IL1RAPL2: variants seen among roughly 807,000 people sequenced by gnomAD.
IL1RAPL2 encodes X-linked interleukin-1 receptor accessory protein-like 2.
IL1RAPL2 carries 3 observed loss-of-function variants against 44.1 expected under a neutral mutation model. That is an observed-to-expected ratio of 0.07 (90% CI 0.03 to 0.18). IL1RAPL2 has a LOEUF of 0.18. Ranked by LOEUF, IL1RAPL2 falls within the 10% of genes least tolerant of loss-of-function variation. IL1RAPL2 has a pLI of 1.00. For synonymous variants in IL1RAPL2, 181 were observed against 178.8 expected (o/e 1.01, Z -0.10); for missense variants, 391 against 496.4 (o/e 0.79, Z 2.02).
intron 3 of IL1RAPL2, among the ~76,000 whole-genome samples, chrX:105,202,359 T>A (rs188371170): frequency 6.2e-5 from 7 of 112,633 alleles, no homozygotes; most frequent in African/African-American, 2.3e-4. Flanking sequence ...TTACACAATC[T>A]TAAGTGACTT....
chrX:105,709,650 G>A (rs921145716), intron 6 of IL1RAPL2, among the ~76,000 whole-genome samples: 1 of 111,334 alleles, frequency 9.0e-6, no homozygotes, highest in African/African-American at 3.3e-5. Context: ...GGGCTATAAC[G>A]TTGACGTCCT....
intron 5 of IL1RAPL2, among the ~76,000 whole-genome samples, chrX:105,277,001 A>G (rs754689629): frequency 8.9e-6 from 1 of 111,733 alleles, no homozygotes; most frequent in South Asian, 3.8e-4. Flanking sequence ...TGACAAATGG[A>G]TCACCTTAGA....
At chrX:105,457,630 A>G (rs1368121622) in intron 5 of IL1RAPL2, among the ~76,000 whole-genome samples, 3 of 108,829 alleles carry the variant, frequency 2.8e-5, no homozygotes, top group Admixed American at 2.0e-4. Context: ...ATATGCATGT[A>G]TATATATGTA....
chrX:105,140,252 A>G (rs951405989), intron 2 of IL1RAPL2, among the ~76,000 whole-genome samples: 5 of 112,207 alleles, frequency 4.5e-5, no homozygotes, highest in African/African-American at 1.6e-4. Context: ...ATTTGCTTAC[A>G]CCTAAGGTGG....
intron 5 of IL1RAPL2, among the ~76,000 whole-genome samples, chrX:105,416,124 G>T (rs1446362059): frequency 8.9e-6 from 1 of 112,032 alleles, no homozygotes; most frequent in Non-Finnish European, 1.9e-5. Flanking sequence ...GGATATGGAT[G>T]TAGGTATAGA....
chrX:105,095,431 T>C (rs2032593183), intron 2 of IL1RAPL2, among the ~76,000 whole-genome samples: 1 of 111,980 alleles, frequency 8.9e-6, no homozygotes, highest in Non-Finnish European at 1.9e-5. Flanking sequence ...GTGATCATAT[T>C]TTTTTCCTTT....
rs191996957 is a variant in IL1RAPL2 at position 105,291,847 on chromosome X, T to C, written c.697+24306T>C. Among the ~76,000 whole-genome samples, 4 of 111,641 alleles carry C rather than the reference T, an allele frequency of 3.6e-5. No homozygotes were observed. In the Admixed American group the frequency reaches 3.8e-4, roughly 11 times the overall value. The stretch of plus-strand genomic sequence containing the variant: ...AGTTGACCCTCAAAAAACACAATTT[T>C]GAACTGCACAGGTCCAGGTACATAT... On this transcript the variant is annotated intron_variant, in intron 5 of 10. Coordinates refer to ENST00000372582, the MANE Select transcript of IL1RAPL2 (RefSeq NM_017416.2).
intron 2 of IL1RAPL2, among the ~76,000 whole-genome samples, chrX:105,063,285 A>G (rs2032097505): frequency 1.8e-5 from 2 of 112,386 alleles, no homozygotes; most frequent in South Asian, 7.3e-4. Flanking sequence ...TGTTAAGTTC[A>G]TTTGATAAAA....
chrX:105,309,326 C>T (rs1351422312), intron 5 of IL1RAPL2, among the ~76,000 whole-genome samples: 1 of 109,669 alleles, frequency 9.1e-6, no homozygotes, highest in Non-Finnish European at 1.9e-5. Context: ...CATGAGCCAT[C>T]GTGCCTGGCC....
At chrX:104,611,636 G>A (rs984372067) in intron 1 of IL1RAPL2, among the ~76,000 whole-genome samples, 1 of 109,598 alleles carries the variant, frequency 9.1e-6, no homozygotes, top group East Asian at 2.9e-4. Context: ...AGGAGATCCA[G>A]ACCATCCTGG....
chrX:104,659,414 C>T (rs934088671), intron 2 of IL1RAPL2, among the ~76,000 whole-genome samples: 4 of 111,417 alleles, frequency 3.6e-5, no homozygotes, highest in African/African-American at 1.3e-4. Flanking sequence ...TATAGTTGTA[C>T]CCAGTTGCTA....
At position 105,489,787 on chromosome X, in the gene IL1RAPL2, T is replaced by TCTCTC. The variant is rs2036299898; in HGVS notation, c.772+5400_772+5401insCTCTC. ...TTCTTTCTTTCTTTTCTTTCTCTCTTTCTCTCTCTCTCTCTCTCTCTCTCT... is the reference window on the plus strand; with the variant it reads ...TTCTTTCTTTCTTTTCTTTCTCTCTTCTCTCTCTCTCTCTCTCTCTCTCTCTCTCT... On this transcript the variant is annotated intron_variant, in intron 6 of 10. Coordinates refer to ENST00000372582, the MANE Select transcript of IL1RAPL2 (RefSeq NM_017416.2). Among the ~76,000 whole-genome samples the TCTCTC allele has an allele frequency of 2.0e-4, 15 of 73,384 alleles. No individual in the cohort carries two copies. In the South Asian group the frequency reaches 3.8e-3, roughly 19 times the overall value. The allele number at this position is 73,384 out of a possible 115,157, so 63.7% of individuals were successfully genotyped here.
At chrX:105,110,697 T>C in intron 2 of IL1RAPL2, among the ~76,000 whole-genome samples, 1 of 111,783 alleles carries the variant, frequency 8.9e-6, no homozygotes, top group Non-Finnish European at 1.9e-5. Flanking sequence ...CCCAGCACTT[T>C]GGGAGGTCAA....
chrX:105,159,518 T>C (rs1037822623), intron 2 of IL1RAPL2, among the ~76,000 whole-genome samples: 6 of 112,513 alleles, frequency 5.3e-5, no homozygotes, highest in Non-Finnish European at 1.1e-4. Context: ...CCAAATCCCC[T>C]ATGGGACACT....
chrX:104,716,358 A>G lies in IL1RAPL2; in HGVS notation c.82+57363A>G, dbSNP rs143605843. ...CAAAATAGGTAATACCATTCAGAAC[A>G]TAGATACGGACAAGGATTTCATGAT... is the stretch of plus-strand genomic sequence containing the variant. On this transcript the variant is annotated intron_variant, in intron 2 of 10. Coordinates refer to ENST00000372582, the MANE Select transcript of IL1RAPL2 (RefSeq NM_017416.2). Among the ~76,000 whole-genome samples, 324 of 111,553 alleles carry G rather than the reference A, an allele frequency of 2.9e-3. 1 individual carries two copies. The highest frequency in any genetic ancestry group is 9.9e-3 in the African/African-American group (305 of 30,800).
At chrX:105,153,698 C>T (rs991071448) in intron 2 of IL1RAPL2, among the ~76,000 whole-genome samples, 7 of 111,489 alleles carry the variant, frequency 6.3e-5, no homozygotes, top group African/African-American at 2.3e-4. Context: ...CATGACATCC[C>T]AAAGCAGGGG....
At chrX:105,367,754 AG>A (rs1456328090) in intron 5 of IL1RAPL2, among the ~76,000 whole-genome samples, 1 of 111,726 alleles carries the variant, frequency 9.0e-6, no homozygotes, top group Non-Finnish European at 1.9e-5. Flanking sequence ...TAACTTTCAT[AG>A]TAGATATAAT....
intron 6 of IL1RAPL2, among the ~76,000 whole-genome samples, chrX:105,587,051 T>C (rs371537109): frequency 2.1e-4 from 23 of 111,612 alleles, no homozygotes; most frequent in African/African-American, 7.5e-4. Flanking sequence ...CATTACCCTG[T>C]TCTGTCTCTT....
chrX:105,259,512 C>T (rs1021335028), intron 4 of IL1RAPL2, among the ~76,000 whole-genome samples: 13 of 111,372 alleles, frequency 1.2e-4, no homozygotes, highest in African/African-American at 3.9e-4. Flanking sequence ...TTGCTTGTCT[C>T]CTGGGAGCTC....
Sources: allele counts gnomAD v4.1 joint callset (sites outside exome capture counted in the v4.1 genomes callset), GRCh38; gene constraint gnomAD v4.1.1; transcripts MANE v1.5; gene names NCBI Gene and HGNC (gene_info 2026-07-23, HGNC 2026-07-21).